TCF4: variants seen among roughly 807,000 people sequenced by gnomAD.
The protein encoded by TCF4 is SL3-3 enhancer factor 2.
Under a neutral mutation model 82.1 loss-of-function variants are expected in TCF4, and 3 were observed. That is an observed-to-expected ratio of 0.04 (90% CI 0.02 to 0.09). TCF4 has a LOEUF of 0.09. TCF4 is among the 10% of genes least tolerant of loss of function. TCF4 has a pLI of 1.00. For synonymous variants in TCF4, 276 were observed against 309.6 expected (o/e 0.89, Z 1.14); for missense variants, 518 against 852.7 (o/e 0.61, Z 4.89).
chr18:55,630,244 C>T (rs1008995845), intron 2 of TCF4, among the ~76,000 whole-genome samples: 9 of 152,024 alleles, frequency 5.9e-5, no homozygotes, highest in African/African-American at 1.7e-4. Context: ...TTGAGAAGAG[C>T]GTGCTTTCAA....
chr18:55,303,103 C>T (rs941087731), intron 8 of TCF4, among the ~76,000 whole-genome samples: 3 of 152,128 alleles, frequency 2.0e-5, no homozygotes, highest in Non-Finnish European at 2.9e-5. Context: ...GTGTTTAAGA[C>T]GTGGCAAGTA....
chr18:55,497,344 C>A (rs2096648646), intron 3 of TCF4, among the ~76,000 whole-genome samples: 1 of 152,100 alleles, frequency 6.6e-6, no homozygotes, highest in Non-Finnish European at 1.5e-5. Flanking sequence ...ATTACCATAT[C>A]TAATAGTCAA....
intron 10 of TCF4, among the ~76,000 whole-genome samples, chr18:55,270,361 A>G (rs2060091225): frequency 6.6e-6 from 1 of 152,140 alleles, no homozygotes; most frequent in African/African-American, 2.4e-5. Context: ...CAACATTATG[A>G]TCCACAGGGC....
chr18:55,300,676 T>C (rs1318874208), intron 8 of TCF4, among the ~76,000 whole-genome samples: 1 of 152,210 alleles, frequency 6.6e-6, no homozygotes, highest in Non-Finnish European at 1.5e-5. Context: ...TGATACCATA[T>C]GAGCCACAAA....
chr18:55,340,304 C>A (rs2079600793), intron 8 of TCF4, among the ~76,000 whole-genome samples: 1 of 152,140 alleles, frequency 6.6e-6, no homozygotes, highest in Non-Finnish European at 1.5e-5. Context: ...GTATTTCCAA[C>A]ACAAACTTTG....
At chr18:55,389,417 G>A (rs2092889304) in intron 6 of TCF4, among the ~76,000 whole-genome samples, 1 of 152,128 alleles carries the variant, frequency 6.6e-6, no homozygotes, top group Admixed American at 6.5e-5. Context: ...AAAAAGAAGT[G>A]CTCCAAAGGC....
At chr18:55,246,063 A>G (rs2145158057) in intron 15 of TCF4, among the ~76,000 whole-genome samples, 1 of 152,332 alleles carries the variant, frequency 6.6e-6, no homozygotes, top group Admixed American at 6.5e-5. Context: ...AGTTGTGCCT[A>G]TTCCAAATTA....
At chr18:55,407,647 TATA>T (rs754236047) in intron 5 of TCF4, among the ~76,000 whole-genome samples, 3 of 84,014 alleles carry the variant, frequency 3.6e-5, no homozygotes, top group African/African-American at 7.5e-5. Flanking sequence ...GCAACTTCCA[TATA>T]AAAAAAAAAA....
At chr18:55,596,798 T>C (rs186723651) in intron 2 of TCF4, among the ~76,000 whole-genome samples, 42 of 152,256 alleles carry the variant, frequency 2.8e-4, no homozygotes, top group Non-Finnish European at 5.4e-4. Flanking sequence ...CTGTATAATA[T>C]ACAGTATAGT....
Position 55,597,636 on chromosome 18 carries a change from C to T in TCF4, c.287-10500G>A, listed in dbSNP as rs1225128283. Among the ~76,000 whole-genome samples the T allele has an allele frequency of 3.3e-5, 5 of 151,228 alleles. No homozygotes were observed. The East Asian group carries it at 9.7e-4, about 29-fold the overall frequency. ...GAGCCAAGATTGCAGCACTGCACTC[C>T]AGCCTGGGTGACAAAGCAAGACTCT... On this transcript the variant is annotated intron_variant, in intron 2 of 20. Transcript: ENST00000398339.
Position 55,633,515 on chromosome 18 carries a change from T to C in TCF4, c.196-2127A>G, listed in dbSNP as rs547275186. Reference sequence around the variant, plus strand: ...CAAGCAAGTCACGAATTCCAGCCTATATTCAAGGGGATGGGGGCTCCACCT... The same window carrying C: ...CAAGCAAGTCACGAATTCCAGCCTACATTCAAGGGGATGGGGGCTCCACCT... On this transcript the variant is annotated intron_variant, in intron 1 of 20. Transcript: ENST00000398339. The surrounding 1 kb of genome is among the most constrained non-coding windows in gnomAD (Gnocchi z 4.0). Among the ~76,000 whole-genome samples the C allele has an allele frequency of 7.2e-5, 11 of 152,294 alleles. No homozygotes were observed. In the South Asian group the frequency reaches 2.1e-3, roughly 29 times the overall value.
chr18:55,233,798 G>A (rs1341140938), intron 16 of TCF4, among the ~76,000 whole-genome samples: 1 of 136,942 alleles, frequency 7.3e-6, no homozygotes, highest in African/African-American at 2.8e-5. Flanking sequence ...CAGCCTGGGC[G>A]ACAGAGTGAG....
chr18:55,616,964 CT>C (rs2097712762), intron 2 of TCF4, among the ~76,000 whole-genome samples: 1 of 151,892 alleles, frequency 6.6e-6, no homozygotes, highest in Non-Finnish European at 1.5e-5. Flanking sequence ...TCCATTTTTG[CT>C]TTTGCTGCTT....
chr18:55,596,120 C>T (rs1452386228), intron 2 of TCF4: 1 of 437,286 alleles, frequency 2.3e-6, no homozygotes, highest in Non-Finnish European at 4.6e-6. Flanking sequence ...ATCCCGGGTA[C>T]TCAGGAGGCT....
chr18:55,597,216 C>T (rs778257741), intron 2 of TCF4, among the ~76,000 whole-genome samples: 9 of 152,108 alleles, frequency 5.9e-5, no homozygotes, highest in South Asian at 2.1e-4. Context: ...TAGGTAGTTT[C>T]TTATAGCAAT....
chr18:55,250,249 T>C (rs1431208439), intron 15 of TCF4, among the ~76,000 whole-genome samples: 1 of 152,150 alleles, frequency 6.6e-6, no homozygotes, highest in Non-Finnish European at 1.5e-5. Context: ...AACATGTTGG[T>C]TTAAGAATAA....
chr18:55,471,606 A>T (rs955056922), intron 3 of TCF4, among the ~76,000 whole-genome samples: 1 of 152,108 alleles, frequency 6.6e-6, no homozygotes, highest in Non-Finnish European at 1.5e-5. Context: ...TCTCTACTAA[A>T]AACACAAAAA....
At chr18:55,422,100 CAAA>C in intron 5 of TCF4, 4 of 444,934 alleles carry the variant, frequency 9.0e-6, no homozygotes, top group South Asian at 1.1e-4. Flanking sequence ...AGAAAAAGCA[CAAA>C]AAAAAAAAAA....
chr18:55,383,382 G>A (rs777571424), intron 6 of TCF4, among the ~76,000 whole-genome samples: 6 of 152,082 alleles, frequency 3.9e-5, no homozygotes, highest in Non-Finnish European at 8.8e-5. Flanking sequence ...TCAAATAAAT[G>A]CAAAGATGTA....
Sources: gnomAD v4.1 joint callset for allele counts (sites outside exome capture counted in the v4.1 genomes callset) on GRCh38, gnomAD v4.1.1 for gene constraint, Gnocchi (gnomAD v3.1) non-coding constraint, MANE v1.5 for transcripts, NCBI Gene and HGNC (gene_info 2026-07-23, HGNC 2026-07-21) for gene names.